CADPS: variants seen among roughly 807,000 people sequenced by gnomAD.
CADPS encodes calcium-dependent secretion activator 1.
CADPS carries 57 observed loss-of-function variants against 167.3 expected under a neutral mutation model. The observed-to-expected ratio is 0.34, with a 90% CI of 0.28 to 0.42. The LOEUF (loss-of-function observed/expected upper bound fraction) is 0.42, where lower values mean the gene tolerates loss of function less well. Ranked by LOEUF, CADPS falls within the 20% of genes least tolerant of loss-of-function variation. The pLI is 1.00. For missense variants in CADPS, 1,414 were observed against 1,738.1 expected (o/e 0.81, Z 3.32); for synonymous variants, 676 against 635.3 (o/e 1.06, Z -0.96).
At chr3:62,638,314 C>G (rs1177357739) in intron 6 of CADPS, among the ~76,000 whole-genome samples, 1 of 152,034 alleles carries the variant, frequency 6.6e-6, no homozygotes, top group Non-Finnish European at 1.5e-5. Flanking sequence ...CCCCCTCATT[C>G]TATCATTACA....
intron 26 of CADPS, among the ~76,000 whole-genome samples, chr3:62,463,730 T>C (rs1295924319): frequency 6.6e-6 from 1 of 152,188 alleles, no homozygotes; most frequent in African/African-American, 2.4e-5. Context: ...GTGGGTTGGA[T>C]AGGTTTCCTT....
At chr3:62,765,431 A>G (rs1391212530) in intron 2 of CADPS, among the ~76,000 whole-genome samples, 1 of 152,162 alleles carries the variant, frequency 6.6e-6, no homozygotes. Flanking sequence ...TCATGAAGCC[A>G]CCATCCTTGG....
intron 4 of CADPS, among the ~76,000 whole-genome samples, chr3:62,654,354 T>C (rs942822888): frequency 2.0e-5 from 3 of 152,184 alleles, no homozygotes; most frequent in Non-Finnish European, 4.4e-5. Flanking sequence ...TATAATGTGA[T>C]GCAAATCCTT....
intron 6 of CADPS, among the ~76,000 whole-genome samples, chr3:62,615,682 C>A (rs969844156): frequency 7.2e-5 from 11 of 152,032 alleles, no homozygotes; most frequent in African/African-American, 2.4e-4. Context: ...ATATCAAGTA[C>A]CCGATGGATA....
At chr3:62,674,161 G>A (rs1014331340) in intron 3 of CADPS, among the ~76,000 whole-genome samples, 4 of 152,218 alleles carry the variant, frequency 2.6e-5, no homozygotes, top group East Asian at 1.9e-4. Context: ...ATATGTGCAC[G>A]TGTGTAAGAA....
intron 3 of CADPS, among the ~76,000 whole-genome samples, chr3:62,750,517 C>A (rs1228344056): frequency 6.6e-6 from 1 of 152,108 alleles, no homozygotes; most frequent in Non-Finnish European, 1.5e-5. Flanking sequence ...CTTCATATCC[C>A]ATTGTTTTGA....
In CADPS at chr3:62,585,334, A is replaced by G. The variant is rs865829911; in HGVS notation, c.1438-10T>C. 66 of 1,588,860 alleles carry G rather than the reference A, an allele frequency of 4.2e-5. No individual in the cohort carries two copies. The Middle Eastern group carries it at 6.2e-3, about 149-fold the overall frequency. ...TGGGATGGAGAATAACCTGTAGGGG[A>G]AAAAGGACAAGCAACTAGAAAAGAG... On this transcript the variant is annotated splice_polypyrimidine_tract_variant and intron_variant, in intron 7 of 29. Coordinates refer to ENST00000383710, the MANE Select transcript of CADPS (RefSeq NM_003716.4).
intron 1 of CADPS, among the ~76,000 whole-genome samples, chr3:62,831,479 A>G (rs1049952624): frequency 7.2e-5 from 11 of 152,124 alleles, no homozygotes; most frequent in African/African-American, 2.7e-4. Flanking sequence ...TGAGCACTAA[A>G]ACCTGGACTG....
chr3:62,585,281 C>A lies in CADPS; in HGVS notation c.1481G>T (p.Trp494Leu), dbSNP rs1199134561. 2 of 1,613,806 alleles carry A rather than the reference C, an allele frequency of 1.2e-6. No homozygotes were observed. Residue 494 changes from tryptophan to leucine, a missense_variant, in exon 8 of 30, where the codon TGG (tryptophan) becomes TTG (leucine). Physicochemically the swap from Trp to Leu is moderately conservative, Grantham distance 61. Coordinates refer to ENST00000383710, the MANE Select transcript of CADPS (RefSeq NM_003716.4). Reference protein sequence around the residue: ...PTPNSPKQSEWHKMTVSKNCP... With the variant: ...PTPNSPKQSELHKMTVSKNCP... The stretch of plus-strand genomic sequence containing the variant: ...GTTTTTGGAGACTGTCATTTTGTGC[C>A]ACTCTGACTGTTTGGGGCTGTTCGG...
chr3:62,718,125 C>A (rs1506743), intron 3 of CADPS, among the ~76,000 whole-genome samples: 95,057 of 151,712 alleles, frequency 0.63, 30,334 homozygotes, highest in East Asian at 0.77. Context: ...ATTTCATAGC[C>A]CTTACTACCA....
At chr3:62,708,045 C>G (rs940321380) in intron 3 of CADPS, among the ~76,000 whole-genome samples, 1 of 151,710 alleles carries the variant, frequency 6.6e-6, no homozygotes, top group African/African-American at 2.4e-5. Context: ...CCCACCTCAG[C>G]CTTCTGAGTA....
chr3:62,736,955 G>A (rs745413842), intron 3 of CADPS, among the ~76,000 whole-genome samples: 1 of 150,798 alleles, frequency 6.6e-6, no homozygotes. Flanking sequence ...TGGCCAACAT[G>A]ATGAAACCCC....
At chr3:62,763,621 C>T (rs556283427) in intron 2 of CADPS, among the ~76,000 whole-genome samples, 4 of 152,268 alleles carry the variant, frequency 2.6e-5, no homozygotes, top group South Asian at 2.1e-4. Context: ...ACATCAGCTT[C>T]TCCATAGCCC....
At chr3:62,718,184 A>G (rs1322918469) in intron 3 of CADPS, among the ~76,000 whole-genome samples, 1 of 152,162 alleles carries the variant, frequency 6.6e-6, no homozygotes, top group Non-Finnish European at 1.5e-5. Context: ...GTGCTTTCTT[A>G]GCAGAATGAA....
At chr3:62,844,686 G>A (rs577045316) in intron 1 of CADPS, among the ~76,000 whole-genome samples, 1 of 152,314 alleles carries the variant, frequency 6.6e-6, no homozygotes, top group Non-Finnish European at 1.5e-5. Context: ...AAAGATCTCA[G>A]TGCAGTAGGT....
intron 28 of CADPS, chr3:62,403,742 T>C (rs1707286348): frequency 6.6e-6 from 1 of 152,204 alleles, no homozygotes; most frequent in African/African-American, 2.4e-5. Context: ...AGACAATGAA[T>C]GAAAATTTCT....
intron 27 of CADPS, among the ~76,000 whole-genome samples, chr3:62,442,782 C>G (rs1017547919): frequency 6.6e-6 from 1 of 152,042 alleles, no homozygotes; most frequent in African/African-American, 2.4e-5. Context: ...ACCAGGTGAC[C>G]TTGGGCATGC....
intron 1 of CADPS, among the ~76,000 whole-genome samples, chr3:62,775,890 G>T (rs1307062577): frequency 6.6e-6 from 1 of 152,100 alleles, no homozygotes; most frequent in African/African-American, 2.4e-5. Context: ...AAAGTATTCC[G>T]TGAAGTTGGC....
At position 62,651,060 on chromosome 3, in the gene CADPS, A is replaced by T; in HGVS notation, c.990T>A (p.Phe330Leu). 1 of 1,613,510 alleles carries T rather than the reference A, an allele frequency of 6.2e-7. No homozygotes were observed. Among genetic ancestry groups the T allele is most frequent in the Non-Finnish European group, 8.5e-7 (1 of 1,179,700 alleles). The change falls in exon 5 of 30, where the codon TTT (phenylalanine) becomes TTA (leucine). Residue 330 changes from phenylalanine (F) to leucine (L), a missense_variant. Phe to Leu is a conservative substitution (Grantham distance 22, BLOSUM62 0). Transcript: ENST00000383710. ...ACATGTTTTCCATTTCTTTGGATAC[A>T]AACTTGGGAAATTTGCGTTCCTTGG... ...QIARERKFPK[F>L]VSKEMENMYI...
Sources: gnomAD v4.1 joint callset for allele counts (sites outside exome capture counted in the v4.1 genomes callset) on GRCh38, gnomAD v4.1.1 for gene constraint, MANE v1.5 for transcripts, NCBI Gene and HGNC (gene_info 2026-07-23, HGNC 2026-07-21) for gene names.